Variants in EEF1AKMT1 observed in about 807,000 individuals in gnomAD.
EEF1AKMT1 encodes N-6 adenine-specific DNA methyltransferase 2 (putative).
Under a neutral mutation model 21.0 loss-of-function variants are expected in EEF1AKMT1, and 18 were observed. The ratio of observed to expected loss-of-function variants is 0.86; its 90% CI spans 0.59 to 1.27. The LOEUF (loss-of-function observed/expected upper bound fraction) is 1.27. EEF1AKMT1 is among the 50% of genes most tolerant of loss of function. EEF1AKMT1 has a pLI of 0.00. For missense variants in EEF1AKMT1, 246 were observed against 258.6 expected (o/e 0.95, Z 0.33); for synonymous variants, 109 against 94.8 (o/e 1.15, Z -0.87).
chr13:20,730,401 G>A (rs1438247191), intron 4 of EEF1AKMT1, among the ~76,000 whole-genome samples: 1 of 152,236 alleles, frequency 6.6e-6, no homozygotes, highest in Non-Finnish European at 1.5e-5. Flanking sequence ...GACAAGCGCG[G>A]CCCGGAGGGA....
At chr13:20,759,632 A>C (rs1292319692) in intron 1 of EEF1AKMT1, among the ~76,000 whole-genome samples, 1 of 65,324 alleles carries the variant, frequency 1.5e-5, no homozygotes, top group African/African-American at 4.6e-5. Flanking sequence ...AACTGAATTA[A>C]ATCAACAAGA....
chr13:20,729,257 C>G (rs375370632), intron 4 of EEF1AKMT1, 41 bp from the exon 5 acceptor site: 3 of 1,612,520 alleles, frequency 1.9e-6, no homozygotes, highest in Non-Finnish European at 2.5e-6. Flanking sequence ...AGTGACAACC[C>G]AGCCGGAGCT....
rs757623006 is a variant in EEF1AKMT1, at chr13:20,728,983, G to A, written c.*97C>T. 6.7e-6 allele frequency: 10 copies of A among 1,485,102 alleles called. No individual in the cohort carries two copies. The East Asian group carries it at 6.8e-5, about 10-fold the overall frequency. 92.0% of individuals were successfully genotyped at this position (1,485,102 alleles called of 1,614,324 possible). On this transcript the variant is annotated 3_prime_UTR_variant, in exon 5 of 5. Transcript: ENST00000382758. The stretch of plus-strand genomic sequence containing the variant: ...CCAGGCCAGGGACAGCTCCAGTTTG[G>A]GGGGAGGGGAAGAGATTATAACTTT...
intron 1 of EEF1AKMT1, among the ~76,000 whole-genome samples, chr13:20,772,222 AGTGGC>A (rs2141444562): frequency 6.6e-6 from 1 of 152,134 alleles, no homozygotes; most frequent in Admixed American, 6.5e-5. Context: ...CTGCCCCACA[AGTGGC>A]AGTAAAAAAA....
chr13:20,742,060 A>C (rs186841695), intron 2 of EEF1AKMT1, among the ~76,000 whole-genome samples: 1 of 152,204 alleles, frequency 6.6e-6, no homozygotes, highest in South Asian at 2.1e-4. Context: ...ATACATGTGC[A>C]TATAAAAATC....
intron 1 of EEF1AKMT1, among the ~76,000 whole-genome samples, chr13:20,758,108 T>C (rs2058980508): frequency 6.6e-6 from 1 of 152,190 alleles, no homozygotes; most frequent in Admixed American, 6.5e-5. Flanking sequence ...CCCCTTCCCT[T>C]TCCAGGTCTT....
intron 3 of EEF1AKMT1, among the ~76,000 whole-genome samples, chr13:20,736,430 G>T (rs1035309501): frequency 1.3e-5 from 2 of 152,136 alleles, no homozygotes; most frequent in African/African-American, 4.8e-5. Context: ...ATCGGAGGAG[G>T]TATGCCACCA....
intron 3 of EEF1AKMT1, among the ~76,000 whole-genome samples, chr13:20,735,214 C>T (rs1360340897): frequency 6.6e-6 from 1 of 152,120 alleles, no homozygotes; most frequent in Non-Finnish European, 1.5e-5. Context: ...CGACAGAACC[C>T]GGTAACTCAA....
At chr13:20,762,266 T>A (rs940938650) in intron 1 of EEF1AKMT1, among the ~76,000 whole-genome samples, 4 of 146,910 alleles carry the variant, frequency 2.7e-5, no homozygotes, top group Non-Finnish European at 6.0e-5. Flanking sequence ...CACTGCAACC[T>A]CCACCTCCTG....
At chr13:20,773,483 C>G (rs1034589987) in intron 1 of EEF1AKMT1, among the ~76,000 whole-genome samples, 2 of 152,238 alleles carry the variant, frequency 1.3e-5, no homozygotes, top group African/African-American at 4.8e-5. Context: ...CAGGAGCGGA[C>G]AGTCAGGCCT....
chr13:20,739,452 C>T (rs2058856705), intron 2 of EEF1AKMT1, among the ~76,000 whole-genome samples: 1 of 152,204 alleles, frequency 6.6e-6, no homozygotes, highest in Non-Finnish European at 1.5e-5. Flanking sequence ...GTCTGTTTTA[C>T]AGAGAGCTGA....
intron 2 of EEF1AKMT1, among the ~76,000 whole-genome samples, chr13:20,740,922 C>A (rs1407841517): frequency 6.6e-6 from 1 of 152,092 alleles, no homozygotes; most frequent in African/African-American, 2.4e-5. Context: ...GTATGGAGGA[C>A]TTTTGTGTAC....
chr13:20,739,452 CAGAGAGCTGATTGGCCCATTTTAT>C (rs2058856735), intron 2 of EEF1AKMT1, among the ~76,000 whole-genome samples: 2 of 152,204 alleles, frequency 1.3e-5, no homozygotes, highest in African/African-American at 2.4e-5. Context: ...GTCTGTTTTA[CAGAGAGCTGATTGGCCCATTTTAT>C]AGAGAGCTGA....
intron 4 of EEF1AKMT1, among the ~76,000 whole-genome samples, chr13:20,731,244 T>C (rs1409059186): frequency 3.3e-5 from 5 of 152,200 alleles, no homozygotes; most frequent in African/African-American, 9.7e-5. Context: ...ACTCCTTGCC[T>C]CAAGTAATCC....
Position 20,732,075 on chromosome 13 carries a change from GCTCT to G in EEF1AKMT1, c.270_273del (p.Arg90SerfsTer48). 6.2e-7 allele frequency: 1 copy of G among 1,613,926 alleles called. No homozygotes were observed. Among genetic ancestry groups the G allele is most frequent in the Non-Finnish European group, 8.5e-7 (1 of 1,179,966 alleles). ...TATATCGAAAAGTTTTCTCTGCACA[GCTCT>G]CTGAGTTTCTGGTAAACACTAGGGG... On this transcript the variant is annotated frameshift_variant, in exon 4 of 5. Coordinates refer to ENST00000382758, the MANE Select transcript of EEF1AKMT1 (RefSeq NM_001318939.2).
chr13:20,764,832 T>TA (rs769176091), intron 1 of EEF1AKMT1, among the ~76,000 whole-genome samples: 1 of 129,318 alleles, frequency 7.7e-6, no homozygotes, highest in Non-Finnish European at 1.8e-5. Context: ...GCTCATGCTT[T>TA]TAAAAAAAAG....
Position 20,732,024 on chromosome 13 carries a change from C to A in EEF1AKMT1, c.325G>T (p.Ala109Ser), listed in dbSNP as rs758730061. The change falls in exon 4 of 5, where the codon GCC becomes TCC. Residue 109 changes from alanine to serine, a missense_variant. Coordinates refer to ENST00000382758, the MANE Select transcript of EEF1AKMT1 (RefSeq NM_001318939.2). ...AAAATAAACTCCTCTCCATACATGG[C>A]AAATCTTTTGTCATATTCAAAGATG... Reference protein sequence around the residue: ...IYIFEYDKRFAMYGEEFIFYD... With the variant: ...IYIFEYDKRFSMYGEEFIFYD... 7.4e-6 allele frequency: 12 copies of A among 1,614,078 alleles called. No individual in the cohort carries two copies. Among genetic ancestry groups the A allele is most frequent in the African/African-American group, 5.3e-5 (4 of 74,916 alleles).
chr13:20,729,675 G>A (rs557157919), intron 4 of EEF1AKMT1, among the ~76,000 whole-genome samples: 1 of 152,100 alleles, frequency 6.6e-6, no homozygotes, highest in African/African-American at 2.4e-5. Context: ...CCCCGCCCTG[G>A]GCCCACAGCG....
intron 1 of EEF1AKMT1, among the ~76,000 whole-genome samples, chr13:20,770,836 C>T (rs918145781): frequency 1.3e-5 from 2 of 151,538 alleles, no homozygotes; most frequent in African/African-American, 4.8e-5. Context: ...CATATGCAGA[C>T]ACATACATAC....
Sources: allele counts gnomAD v4.1 joint callset (sites outside exome capture counted in the v4.1 genomes callset), GRCh38; gene constraint gnomAD v4.1.1; transcripts MANE v1.5; gene names NCBI Gene and HGNC (gene_info 2026-07-23, HGNC 2026-07-21).